DLG2: variants seen among roughly 807,000 people sequenced by gnomAD.
DLG2 encodes the protein disks large homolog 2.
DLG2 carries 45 observed loss-of-function variants against 132.5 expected under a neutral mutation model. That is an observed-to-expected ratio of 0.34 (90% confidence interval 0.27 to 0.44). The LOEUF is 0.44. DLG2 is among the 20% of genes least tolerant of loss of function. The pLI is 1.00. For synonymous variants in DLG2, 424 were observed against 419.6 expected (o/e 1.01, Z -0.13); for missense variants, 1,045 against 1,196.9 (o/e 0.87, Z 1.87).
intron 17 of DLG2, among the ~76,000 whole-genome samples, chr11:83,825,146 C>T (rs999642177): frequency 5.8e-5 from 5 of 86,542 alleles, no homozygotes; most frequent in African/African-American, 8.5e-5. Flanking sequence ...CACACACACA[C>T]ACACACATAT....
rs779135680 is a variant in DLG2, at chr11:83,472,795, GA to G, written c.2294-19del. ...TTGTCCTCCTGAGAAGAGAAGGAAAGAAAACCACAGTGAACTAACAGTCATA... is the reference window on the plus strand; with the variant it reads ...TTGTCCTCCTGAGAAGAGAAGGAAAGAAACCACAGTGAACTAACAGTCATA... On this transcript the variant is annotated intron_variant, in intron 22 of 27. Coordinates refer to ENST00000376104, the MANE Select transcript of DLG2 (RefSeq NM_001142699.3). The G allele has an allele frequency of 6.2e-7, 1 of 1,607,314 alleles. No individual in the cohort carries two copies. The highest frequency in any genetic ancestry group is 8.5e-7 in the Non-Finnish European group (1 of 1,175,090).
chr11:84,169,485 C>G (rs2095761711), intron 8 of DLG2, among the ~76,000 whole-genome samples: 1 of 152,192 alleles, frequency 6.6e-6, no homozygotes, highest in South Asian at 2.1e-4. Context: ...TTTCCTAACT[C>G]AAACATCTTT....
At chr11:85,623,451 C>T (rs978901351) in intron 2 of DLG2, among the ~76,000 whole-genome samples, 1 of 152,022 alleles carries the variant, frequency 6.6e-6, no homozygotes, top group South Asian at 2.1e-4. Context: ...ATTACAGGCA[C>T]GCACCACTAT....
chr11:84,991,492 G>C (rs114439189), intron 6 of DLG2, among the ~76,000 whole-genome samples: 1 of 126,590 alleles, frequency 7.9e-6, no homozygotes, highest in South Asian at 2.7e-4. Flanking sequence ...CTGGGCAACA[G>C]AGTGAGACAC....
At chr11:85,103,559 A>C (rs2071227831) in intron 6 of DLG2, among the ~76,000 whole-genome samples, 1 of 151,958 alleles carries the variant, frequency 6.6e-6, no homozygotes, top group African/African-American at 2.4e-5. Context: ...CATATATACT[A>C]TATAGAAAGA....
intron 7 of DLG2, among the ~76,000 whole-genome samples, chr11:84,307,494 A>C (rs1022180241): frequency 1.3e-5 from 2 of 152,156 alleles, no homozygotes; most frequent in African/African-American, 4.8e-5. Flanking sequence ...CAGGAGATCC[A>C]GACCATCCTG....
intron 6 of DLG2, among the ~76,000 whole-genome samples, chr11:85,019,869 G>C (rs1349823370): frequency 6.6e-6 from 1 of 152,178 alleles, no homozygotes; most frequent in Non-Finnish European, 1.5e-5. Flanking sequence ...GTCTCTCATT[G>C]ATGGACATTT....
chr11:84,450,839 C>A (rs2099049486), intron 7 of DLG2, among the ~76,000 whole-genome samples: 1 of 151,418 alleles, frequency 6.6e-6, no homozygotes. Context: ...ATCATTGTAG[C>A]CTCCGTGCCT....
At chr11:84,184,843 C>G (rs12796815) in intron 8 of DLG2, among the ~76,000 whole-genome samples, 1 of 151,940 alleles carries the variant, frequency 6.6e-6, no homozygotes, top group Non-Finnish European at 1.5e-5. Context: ...TTCCCCATTG[C>G]TTGTTTTTCT....
intron 4 of DLG2, among the ~76,000 whole-genome samples, chr11:85,217,081 T>C (rs1357729765): frequency 6.6e-6 from 1 of 152,152 alleles, no homozygotes; most frequent in African/African-American, 2.4e-5. Context: ...TATTTCATTT[T>C]ATCCCCAAAA....
In DLG2 at chr11:85,047,364, T is replaced by G. The variant is rs548144106; in HGVS notation, c.357+64297A>C. 1.3e-4 allele frequency among the ~76,000 whole-genome samples: 19 copies of G among 152,000 alleles called. No homozygotes were observed. The South Asian group carries it at 3.9e-3, about 31-fold the overall frequency. On this transcript the variant is annotated intron_variant, in intron 6 of 27. Transcript: ENST00000376104. ...CTAAATACAATGAAATGCTAGCAAA[T>G]AAGACAAGAACATTTCAATTTTAAG...
At chr11:84,017,847 T>A (rs557414188) in intron 11 of DLG2, among the ~76,000 whole-genome samples, 1 of 152,044 alleles carries the variant, frequency 6.6e-6, no homozygotes, top group Admixed American at 6.6e-5. Flanking sequence ...TAACTTTCCA[T>A]ATTATCTTTC....
intron 24 of DLG2, among the ~76,000 whole-genome samples, chr11:83,470,263 T>C (rs1739490320): frequency 6.6e-6 from 1 of 152,026 alleles, no homozygotes; most frequent in South Asian, 2.1e-4. Flanking sequence ...TCATTTGAAA[T>C]AGTTATATAA....
chr11:83,857,623 T>G (rs1166439464), intron 16 of DLG2, among the ~76,000 whole-genome samples: 1 of 152,218 alleles, frequency 6.6e-6, no homozygotes, highest in Non-Finnish European at 1.5e-5. Context: ...ATTATACGAT[T>G]GTCCAAACCC....
At chr11:84,163,540 A>T in intron 8 of DLG2, 29 bp from the exon 9 acceptor site, 1 of 1,557,022 alleles carries the variant, frequency 6.4e-7, no homozygotes, top group East Asian at 2.3e-5. Context: ...TAAGAAGAGA[A>T]CTATTAAATA....
intron 16 of DLG2, among the ~76,000 whole-genome samples, chr11:83,839,746 T>C (rs2057132261): frequency 6.6e-6 from 1 of 152,214 alleles, no homozygotes; most frequent in African/African-American, 2.4e-5. Context: ...CAGAATATAG[T>C]TTCCAAAACC....
intron 2 of DLG2, among the ~76,000 whole-genome samples, chr11:85,609,509 C>T (rs1028441745): frequency 5.3e-5 from 8 of 152,154 alleles, no homozygotes; most frequent in African/African-American, 1.9e-4. Context: ...CTCGGTAGGG[C>T]TTGTTATCAG....
chr11:85,023,437 A>C (rs1592841241), intron 6 of DLG2, among the ~76,000 whole-genome samples: 1 of 152,162 alleles, frequency 6.6e-6, no homozygotes, highest in South Asian at 2.1e-4. Context: ...GGAAAGAAAA[A>C]CAAGTCATTT....
intron 19 of DLG2, among the ~76,000 whole-genome samples, chr11:83,586,273 T>C (rs1251510671): frequency 2.6e-5 from 4 of 152,268 alleles, no homozygotes; most frequent in African/African-American, 7.2e-5. Context: ...GTGCCCACTA[T>C]GTTTACCAAC....
Sources: gnomAD v4.1 joint callset for allele counts (sites outside exome capture counted in the v4.1 genomes callset) on GRCh38, gnomAD v4.1.1 for gene constraint, MANE v1.5 for transcripts, NCBI Gene and HGNC (gene_info 2026-07-23, HGNC 2026-07-21) for gene names.